Variants in FOXJ1 observed in about 807,000 individuals in gnomAD.
The protein encoded by FOXJ1 is forkhead box J1, also known as forkhead box protein J1.
In FOXJ1, 8 loss-of-function variants were observed where a neutral mutation model predicts 29.3. The observed-to-expected ratio is 0.27, with a 90% CI of 0.16 to 0.49. The LOEUF (loss-of-function observed/expected upper bound fraction) is 0.49, where lower values mean the gene tolerates loss of function less well. Among genes scored for constraint, FOXJ1 ranks in the 20% least tolerant of loss-of-function variants. The probability of loss-of-function intolerance (pLI) is 0.98; values close to 1 mark genes in which losing one functional copy is unlikely to be tolerated. For synonymous variants in FOXJ1, 280 were observed against 278.7 expected (o/e 1.00, Z -0.05); for missense variants, 539 against 595.5 (o/e 0.91, Z 0.99).
In FOXJ1 at chr17:76,137,510, A is replaced by G; in HGVS notation, c.1109T>C (p.Leu370Pro). The G allele has an allele frequency of 6.3e-7, 1 of 1,588,706 alleles. No individual in the cohort carries two copies. The change falls in exon 3 of 3, where the codon CTG becomes CCG. Residue 370 changes from leucine (L) to proline (P), a missense_variant. Around this residue, in one of 3 missense-constraint regions of FOXJ1, gnomAD observed 302 missense variants for 293.6 expected, o/e 1.03. Coordinates refer to ENST00000322957, the MANE Select transcript of FOXJ1 (RefSeq NM_001454.4). The surrounding 1 kb of genome is among the most constrained non-coding windows in gnomAD (Gnocchi z 9.5). ...GPSVEQAADS[L>P]DFDETFLATS... ...GGCCAGGAAGGTCTCATCGAAGTCC[A>G]GGCTGTCGGCAGCCTGCTCCACCGA...
Position 76,139,925 on chromosome 17 carries a change from G to A in FOXJ1, c.471C>T (p.Tyr157=), listed in dbSNP as rs752959628. The change falls in exon 2 of 3, where the codon TAC becomes TAT. Residue 157 remains tyrosine, a synonymous_variant. Transcript: ENST00000322957. The surrounding 1 kb of genome is among the most constrained non-coding windows in gnomAD (Gnocchi z 6.6). ...GCCAGGTGGGATCTGCGTGGCGGAA[G>A]TAGCAGAAGTTGTCCGTGATCCACT... ...IYKWITDNFC[Y]FRHADPTWQN... is the part of the protein sequence containing the mutation. The A allele has an allele frequency of 1.5e-5, 24 of 1,605,264 alleles. 1 individual carries two copies. In the South Asian group the frequency reaches 2.7e-4, roughly 18 times the overall value.
Position 76,139,074 on chromosome 17 carries a change from T to C in FOXJ1, c.498+824A>G, listed in dbSNP as rs534579259. On this transcript the variant is annotated intron_variant, in intron 2 of 2. Transcript: ENST00000322957. This position sits in a 1 kb window ranked among gnomAD's most constrained non-coding sequence, Gnocchi z 6.6. ...AAAGCCTGCTGGGGGACAGGGGTCCTGGGCTGGGACGGCAGGGCAGGTGGG... is the reference window on the plus strand; with the variant it reads ...AAAGCCTGCTGGGGGACAGGGGTCCCGGGCTGGGACGGCAGGGCAGGTGGG... Among the ~76,000 whole-genome samples the C allele has an allele frequency of 2.0e-5, 3 of 152,292 alleles. No homozygotes were observed. The highest frequency in any genetic ancestry group is 7.2e-5 in the African/African-American group (3 of 41,572).
rs1460526560 is a variant in FOXJ1 at position 76,137,432 on chromosome 17, G to A, written c.1187C>T (p.Pro396Leu). Residue 396 changes from proline (P) to leucine (L), a missense_variant, in exon 3 of 3, where the codon CCG (proline) becomes CTG (leucine). Coordinates refer to ENST00000322957, the MANE Select transcript of FOXJ1 (RefSeq NM_001454.4). This position sits in a 1 kb window ranked among gnomAD's most constrained non-coding sequence, Gnocchi z 9.5. ...ATCCCCAGCCTCAAAGAGGGGCTCC[G>A]GGGGCAGGCAGCCACTGCCGCTCTC... ...WDESGSGCLPPEPLFEAGDAT... is the reference protein window; with the variant it reads ...WDESGSGCLPLEPLFEAGDAT... The A allele has an allele frequency of 6.5e-6, 10 of 1,544,696 alleles. No homozygotes were observed. Among genetic ancestry groups the A allele is most frequent in the Non-Finnish European group, 7.8e-6 (9 of 1,148,324 alleles).
In FOXJ1 at chr17:76,140,505, C is replaced by G; in HGVS notation, c.-110G>C. The G allele has an allele frequency of 1.0e-6, 1 of 987,916 alleles. No individual in the cohort carries two copies. Among genetic ancestry groups the G allele is most frequent in the Non-Finnish European group, 1.4e-6 (1 of 734,838 alleles). The allele number at this position is 987,916 out of a possible 1,614,324, so 61.2% of individuals were successfully genotyped here. On this transcript the variant is annotated 5_prime_UTR_variant, in exon 2 of 3. Transcript: ENST00000322957. This position sits in a 1 kb window ranked among gnomAD's most constrained non-coding sequence, Gnocchi z 8.0. Reference sequence around the variant, plus strand: ...CCGCAGCTCCCGTTACACGGCCTCCCGGACGCGCGCTTCCATCTCGCGACC... The same window carrying G: ...CCGCAGCTCCCGTTACACGGCCTCCGGGACGCGCGCTTCCATCTCGCGACC...
chr17:76,139,829 GA>G lies in FOXJ1; in HGVS notation c.498+68del. ...TACTTGGCCTGCAGATTTGGGATATGAATCCAGTGCAGCGTGGGGAGCGAGG... is the reference window on the plus strand; with the variant it reads ...TACTTGGCCTGCAGATTTGGGATATGATCCAGTGCAGCGTGGGGAGCGAGG... On this transcript the variant is annotated intron_variant, in intron 2 of 2. Coordinates refer to ENST00000322957, the MANE Select transcript of FOXJ1 (RefSeq NM_001454.4). The surrounding 1 kb of genome is among the most constrained non-coding windows in gnomAD (Gnocchi z 6.6). The G allele has an allele frequency of 6.6e-7, 1 of 1,513,688 alleles. No homozygotes were observed. Among genetic ancestry groups the G allele is most frequent in the South Asian group, 1.2e-5 (1 of 81,292 alleles). The allele number at this position is 1,513,688 out of a possible 1,614,324, so 93.8% of individuals were successfully genotyped here.
At position 76,140,197 on chromosome 17, in the gene FOXJ1, C is replaced by T; in HGVS notation, c.199G>A (p.Gly67Ser). 6.9e-7 allele frequency: 1 copy of T among 1,449,442 alleles called. No individual in the cohort carries two copies. The highest frequency in any genetic ancestry group is 1.5e-5 in the South Asian group (1 of 66,690). 89.8% of individuals were successfully genotyped at this position (1,449,442 alleles called of 1,614,324 possible). Residue 67 changes from glycine (G) to serine (S), a missense_variant, in exon 2 of 3, where the codon GGT (glycine) becomes AGT (serine). Gly to Ser is a moderately conservative substitution (Grantham distance 56). This residue lies in a region of FOXJ1 where 178 missense variants were observed against 254.4 expected (regional missense o/e 0.70). Transcript: ENST00000322957. This position sits in a 1 kb window ranked among gnomAD's most constrained non-coding sequence, Gnocchi z 8.0. ...TDPHGYHQVP[G>S]SAAPGSPLAA... is the part of the protein sequence containing the mutation. The stretch of plus-strand genomic sequence containing the variant: ...AGGGGGGACCCGGGCGCCGCTGAAC[C>T]TGGCACCTGGTGGTAGCCGTGGGGG...
rs1449571229 is a variant in FOXJ1, at chr17:76,140,165, G to C, written c.231C>G (p.Ala77=). The C allele has an allele frequency of 1.2e-5, 18 of 1,476,000 alleles. No individual in the cohort carries two copies. Among genetic ancestry groups the C allele is most frequent in the Non-Finnish European group, 1.6e-5 (18 of 1,125,794 alleles). 91.4% of individuals were successfully genotyped at this position (1,476,000 alleles called of 1,614,324 possible). ...GTGGCTGCCCCAGGCAGGCGGGGTC[G>C]GCCGCCAGGGGGGACCCGGGCGCCG... is the stretch of plus-strand genomic sequence containing the variant. ...GSAAPGSPLA[A]DPACLGQPHT... Residue 77 remains alanine (A), a synonymous_variant, in exon 2 of 3, where the codon GCC becomes GCG. Coordinates refer to ENST00000322957, the MANE Select transcript of FOXJ1 (RefSeq NM_001454.4). The surrounding 1 kb of genome is among the most constrained non-coding windows in gnomAD (Gnocchi z 8.0).
rs2068484695 is a variant in FOXJ1, at chr17:76,137,177, C to T, written c.*176G>A. 1 of 541,730 alleles carries T rather than the reference C, an allele frequency of 1.8e-6. No homozygotes were observed. Among genetic ancestry groups the T allele is most frequent in the South Asian group, 3.9e-5 (1 of 25,624 alleles). The allele number at this position is 541,730 out of a possible 1,614,324, so 33.6% of individuals were successfully genotyped here. A position where few individuals can be genotyped will look rare whatever the true frequency, so the allele number is the denominator to read the frequency against. On this transcript the variant is annotated 3_prime_UTR_variant, in exon 3 of 3. Transcript: ENST00000322957. The surrounding 1 kb of genome is among the most constrained non-coding windows in gnomAD (Gnocchi z 9.5). ...CTGGTCCTGGGCCCTCGTTTTCAGC[C>T]TCCTGGGCTTGAATCTGATGGCAGC...
At position 76,139,077 on chromosome 17, in the gene FOXJ1, G is replaced by A. The variant is rs548885662; in HGVS notation, c.498+821C>T. Among the ~76,000 whole-genome samples the A allele has an allele frequency of 6.6e-6, 1 of 152,318 alleles. No individual in the cohort carries two copies. Among genetic ancestry groups the A allele is most frequent in the African/African-American group, 2.4e-5 (1 of 41,566 alleles). ...GCCTGCTGGGGGACAGGGGTCCTGG[G>A]CTGGGACGGCAGGGCAGGTGGGTGG... On this transcript the variant is annotated intron_variant, in intron 2 of 2. Transcript: ENST00000322957. The surrounding 1 kb of genome is among the most constrained non-coding windows in gnomAD (Gnocchi z 6.6).
chr17:76,140,153 G>A lies in FOXJ1; in HGVS notation c.243C>T (p.Cys81=), dbSNP rs1332961737. The change falls in exon 2 of 3, where the codon TGC becomes TGT. Residue 81 remains cysteine, a synonymous_variant. Transcript: ENST00000322957. The surrounding 1 kb of genome is among the most constrained non-coding windows in gnomAD (Gnocchi z 8.0). ...PGSPLAADPA[C]LGQPHTPGKP... is the part of the protein sequence containing the mutation. ...TGCCCGGCGTGTGTGGCTGCCCCAG[G>A]CAGGCGGGGTCGGCCGCCAGGGGGG... 1 of 1,525,550 alleles carries A rather than the reference G, an allele frequency of 6.6e-7. No individual in the cohort carries two copies. Among genetic ancestry groups the A allele is most frequent in the Non-Finnish European group, 8.7e-7 (1 of 1,146,992 alleles). The allele number at this position is 1,525,550 out of a possible 1,614,324, so 94.5% of individuals were successfully genotyped here.
chr17:76,137,506 G>A lies in FOXJ1; in HGVS notation c.1113C>T (p.Asp371=), dbSNP rs1308343224. The change falls in exon 3 of 3, where the codon GAC becomes GAT. Residue 371 remains aspartate, a synonymous_variant. Coordinates refer to ENST00000322957, the MANE Select transcript of FOXJ1 (RefSeq NM_001454.4). The surrounding 1 kb of genome is among the most constrained non-coding windows in gnomAD (Gnocchi z 9.5). ...PSVEQAADSL[D]FDETFLATSF... The stretch of plus-strand genomic sequence containing the variant: ...ATGTGGCCAGGAAGGTCTCATCGAA[G>A]TCCAGGCTGTCGGCAGCCTGCTCCA... 6.3e-7 allele frequency: 1 copy of A among 1,587,248 alleles called. No homozygotes were observed. Among genetic ancestry groups the A allele is most frequent in the South Asian group, 1.1e-5 (1 of 87,440 alleles).
In FOXJ1 at chr17:76,137,213, G is replaced by A; in HGVS notation, c.*140C>T. 1.5e-6 allele frequency: 1 copy of A among 684,238 alleles called. No individual in the cohort carries two copies. The highest frequency in any genetic ancestry group is 2.2e-6 in the Non-Finnish European group (1 of 457,156). The allele number at this position is 684,238 out of a possible 1,614,324, so 42.4% of individuals were successfully genotyped here. A position where few individuals can be genotyped will look rare whatever the true frequency, so the allele number is the denominator to read the frequency against. Reference sequence around the variant, plus strand: ...GAATCTGATGGCAGCTGGGGCTGGTGGCCATGTGGCCTCTGGGGCAAGCCT... The same window carrying A: ...GAATCTGATGGCAGCTGGGGCTGGTAGCCATGTGGCCTCTGGGGCAAGCCT... On this transcript the variant is annotated 3_prime_UTR_variant, in exon 3 of 3. Transcript: ENST00000322957. The surrounding 1 kb of genome is among the most constrained non-coding windows in gnomAD (Gnocchi z 9.5).
In FOXJ1 at chr17:76,137,284, A is replaced by G; in HGVS notation, c.*69T>C. On this transcript the variant is annotated 3_prime_UTR_variant, in exon 3 of 3. Coordinates refer to ENST00000322957, the MANE Select transcript of FOXJ1 (RefSeq NM_001454.4). The surrounding 1 kb of genome is among the most constrained non-coding windows in gnomAD (Gnocchi z 9.5). ...TGCCTAGGTGGTGGGGTGTCTGTGG[A>G]CCTGTGTTGGGGGGCAGTTCTGGAC... 7.5e-7 allele frequency: 1 copy of G among 1,325,928 alleles called. No homozygotes were observed. Among genetic ancestry groups the G allele is most frequent in the Non-Finnish European group, 9.8e-7 (1 of 1,017,340 alleles). 82.1% of individuals were successfully genotyped at this position (1,325,928 alleles called of 1,614,324 possible).
Position 76,140,851 on chromosome 17 carries a change from G to A in FOXJ1, c.-170+263C>T, listed in dbSNP as rs1365132534. ...GACCCCCTTCCTCCTCGCAACAAAT[G>A]GAAGTGGGGCGAGAAGTTTGGGAGG... On this transcript the variant is annotated intron_variant, in intron 1 of 2. Coordinates refer to ENST00000322957, the MANE Select transcript of FOXJ1 (RefSeq NM_001454.4). This position sits in a 1 kb window ranked among gnomAD's most constrained non-coding sequence, Gnocchi z 8.0. Among the ~76,000 whole-genome samples the A allele has an allele frequency of 6.6e-6, 1 of 152,174 alleles. No homozygotes were observed. The highest frequency in any genetic ancestry group is 1.5e-5 in the Non-Finnish European group (1 of 68,022).
chr17:76,137,957 T>G lies in FOXJ1; in HGVS notation c.662A>C (p.His221Pro), dbSNP rs1327328789. Residue 221 changes from histidine (H) to proline (P), a missense_variant, in exon 3 of 3, where the codon CAC (histidine) becomes CCC (proline). This residue lies in a region of FOXJ1 where 302 missense variants were observed against 293.6 expected (regional missense o/e 1.03). Transcript: ENST00000322957. The surrounding 1 kb of genome is among the most constrained non-coding windows in gnomAD (Gnocchi z 9.5). Reference sequence around the variant, plus strand: ...CGCGGCCTGGCGGGCAAAGGCTGGGTGGATGTGGACAGGGGGCAGTCGCCG... The same window carrying G: ...CGCGGCCTGGCGGGCAAAGGCTGGGGGGATGTGGACAGGGGGCAGTCGCCG... ...KKRRLPPVHI[H>P]PAFARQAAQE... The G allele has an allele frequency of 5.7e-6, 9 of 1,587,822 alleles. No homozygotes were observed. Among genetic ancestry groups the G allele is most frequent in the Non-Finnish European group, 6.0e-6 (7 of 1,167,306 alleles).
At position 76,136,881 on chromosome 17, in the gene FOXJ1, CAGG is replaced by C. The variant is rs2068482663; in HGVS notation, c.*469_*471del. 1 of 153,458 alleles carries C rather than the reference CAGG, an allele frequency of 6.5e-6. No homozygotes were observed. The highest frequency in any genetic ancestry group is 2.4e-5 in the African/African-American group (1 of 41,480). 9.5% of individuals were successfully genotyped at this position (153,458 alleles called of 1,614,324 possible). On this transcript the variant is annotated 3_prime_UTR_variant, in exon 3 of 3. Coordinates refer to ENST00000322957, the MANE Select transcript of FOXJ1 (RefSeq NM_001454.4). The surrounding 1 kb of genome is among the most constrained non-coding windows in gnomAD (Gnocchi z 4.9). ...TGCCCCGGCCCCAGGGAGGCTCTGC[CAGG>C]AGAAGCCTCCAGGGGGTTAATTTGC... is the stretch of plus-strand genomic sequence containing the variant.
At position 76,137,330 on chromosome 17, in the gene FOXJ1, G is replaced by T. The variant is rs1003576472; in HGVS notation, c.*23C>A. 7 of 1,465,958 alleles carry T rather than the reference G, an allele frequency of 4.8e-6. No homozygotes were observed. Among genetic ancestry groups the T allele is most frequent in the Non-Finnish European group, 6.3e-6 (7 of 1,111,130 alleles). The allele number at this position is 1,465,958 out of a possible 1,614,324, so 90.8% of individuals were successfully genotyped here. A position where few individuals can be genotyped will look rare whatever the true frequency, so the allele number is the denominator to read the frequency against. ...TGGACCCTGACTTGGGCACTGTCCA[G>T]AGGTGGGGCAGGGCCTGGCCTCTTA... On this transcript the variant is annotated 3_prime_UTR_variant, in exon 3 of 3. Transcript: ENST00000322957. This position sits in a 1 kb window ranked among gnomAD's most constrained non-coding sequence, Gnocchi z 9.5.
chr17:76,141,220 G>GCC lies in FOXJ1; in HGVS notation c.-278_-277dup, dbSNP rs370779574. The stretch of plus-strand genomic sequence containing the variant: ...GGGGGCCCTGCCAGCGCCTCTTGCC[G>GCC]CCCCCCCGCCCGACGGCGCTTCTCT... On this transcript the variant is annotated 5_prime_UTR_variant, in exon 1 of 3. Coordinates refer to ENST00000322957, the MANE Select transcript of FOXJ1 (RefSeq NM_001454.4). The surrounding 1 kb of genome is among the most constrained non-coding windows in gnomAD (Gnocchi z 4.2). The GCC allele has an allele frequency of 6.6e-6, 1 of 152,124 alleles. No individual in the cohort carries two copies. Among genetic ancestry groups the GCC allele is most frequent in the African/African-American group, 2.4e-5 (1 of 41,356 alleles). The allele number at this position is 152,124 out of a possible 1,614,324, so 9.4% of individuals were successfully genotyped here.
At position 76,140,569 on chromosome 17, in the gene FOXJ1, G is replaced by GC; in HGVS notation, c.-169-6_-169-5insG. Reference sequence around the variant, plus strand: ...CTCCGAATAAGTATGTGGTGCCTGCGAGGACCACGGTGGGAGCTGAGCACT... The same window carrying GC: ...CTCCGAATAAGTATGTGGTGCCTGCGCAGGACCACGGTGGGAGCTGAGCACT... On this transcript the variant is annotated splice_polypyrimidine_tract_variant and splice_region_variant and intron_variant, in intron 1 of 2. Coordinates refer to ENST00000322957, the MANE Select transcript of FOXJ1 (RefSeq NM_001454.4). This position sits in a 1 kb window ranked among gnomAD's most constrained non-coding sequence, Gnocchi z 8.0. 1.8e-6 allele frequency: 1 copy of GC among 563,042 alleles called. No individual in the cohort carries two copies. Among genetic ancestry groups the GC allele is most frequent in the Non-Finnish European group, 3.0e-6 (1 of 337,226 alleles). The allele number at this position is 563,042 out of a possible 1,614,324, so 34.9% of individuals were successfully genotyped here. A position where few individuals can be genotyped will look rare whatever the true frequency, so the allele number is the denominator to read the frequency against.
Sources: gnomAD v4.1 joint callset for allele counts (sites outside exome capture counted in the v4.1 genomes callset) on GRCh38, gnomAD v4.1.1 for gene constraint, gnomAD v4.1.1 regional missense constraint, Gnocchi (gnomAD v3.1) non-coding constraint, MANE v1.5 for transcripts, NCBI Gene and HGNC (gene_info 2026-07-23, HGNC 2026-07-21) for gene names.